Variants in SP3 observed in about 807,000 individuals in gnomAD.
SP3 encodes the protein Sp3 transcription factor, also known as transcription factor Sp3.
In SP3, 10 loss-of-function variants were observed where a neutral mutation model predicts 70.3. The ratio of observed to expected loss-of-function variants is 0.14; its 90% CI spans 0.09 to 0.24. The LOEUF (loss-of-function observed/expected upper bound fraction) is 0.24. Ranked by LOEUF, SP3 falls within the 10% of genes least tolerant of loss-of-function variation. The pLI is 1.00. For missense variants in SP3, 825 were observed against 914.6 expected, an observed-to-expected ratio of 0.90 and a Z score of 1.26; for synonymous variants, 402 against 333.5, an observed-to-expected ratio of 1.21 and a Z score of -2.24.
In SP3 at chr2:173,955,982, T is replaced by G. The variant is rs368003119; in HGVS notation, c.530A>C (p.Gln177Pro). ...SVQYQVIPQIQSADGQQVQIG... is the reference protein window; with the variant it reads ...SVQYQVIPQIPSADGQQVQIG... Reference sequence around the variant, plus strand: ...TTGAACCTGCTGACCATCTGCTGACTGGATCTGTGGTATCACTTGATATTG... The same window carrying G: ...TTGAACCTGCTGACCATCTGCTGACGGGATCTGTGGTATCACTTGATATTG... Residue 177 changes from glutamine to proline, a missense_variant, in exon 4 of 7, where the codon CAG (glutamine) becomes CCG (proline). This residue lies in a region of SP3 where 678 missense variants were observed against 651.6 expected (regional missense o/e 1.04). Transcript: ENST00000310015. The G allele has an allele frequency of 1.2e-6, 2 of 1,614,118 alleles. No homozygotes were observed. Among genetic ancestry groups the G allele is most frequent in the Non-Finnish European group, 1.7e-6 (2 of 1,180,028 alleles).
At chr2:173,916,454 G>C (rs775678245) in intron 5 of SP3, 2 of 151,580 alleles carry the variant, frequency 1.3e-5, no homozygotes, top group Non-Finnish European at 2.9e-5. Context: ...ATGTAAAACT[G>C]GGAAAAAACA....
At position 173,963,611 on chromosome 2, in the gene SP3, G is replaced by A. The variant is rs149009413; in HGVS notation, c.279+150C>T. ...TGGCTTCAGATCCAAACCGGGATGCGAAAGAGCAGGAAAGGGCGCCCTGGA... is the reference window on the plus strand; with the variant it reads ...TGGCTTCAGATCCAAACCGGGATGCAAAAGAGCAGGAAAGGGCGCCCTGGA... On this transcript the variant is annotated intron_variant, in intron 3 of 6. Coordinates refer to ENST00000310015, the MANE Select transcript of SP3 (RefSeq NM_003111.5). 2.3e-3 allele frequency: 381 copies of A among 165,978 alleles called. 2 individuals are homozygous for A. Among genetic ancestry groups the A allele is most frequent in the African/African-American group, 8.4e-3 (353 of 41,776 alleles). The allele number at this position is 165,978 out of a possible 1,614,324, so 10.3% of individuals were successfully genotyped here.
chr2:173,925,067 T>C (rs1689872316), intron 4 of SP3, among the ~76,000 whole-genome samples: 1 of 152,202 alleles, frequency 6.6e-6, no homozygotes, highest in South Asian at 2.1e-4. Flanking sequence ...TCTGTATTTT[T>C]AGTAGAGACC....
intron 4 of SP3, among the ~76,000 whole-genome samples, chr2:173,921,482 A>ACTGG (rs1461958805): frequency 1.3e-5 from 2 of 152,252 alleles, no homozygotes; most frequent in African/African-American, 4.8e-5. Context: ...TGAACCTAGG[A>ACTGG]GTTCAAGACC....
chr2:173,959,046 ATATATTTACTG>A (rs1488062864), intron 3 of SP3, among the ~76,000 whole-genome samples: 1 of 152,208 alleles, frequency 6.6e-6, no homozygotes, highest in Non-Finnish European at 1.5e-5. Context: ...TAAGATCAAT[ATATATTTACTG>A]AATGAAAAGT....
At chr2:173,933,612 T>C (rs1290558111) in intron 4 of SP3, among the ~76,000 whole-genome samples, 1 of 126,046 alleles carries the variant, frequency 7.9e-6, no homozygotes, top group East Asian at 2.3e-4. Flanking sequence ...AGGAAGACAG[T>C]ACAAATGACT....
At position 173,945,929 on chromosome 2, in the gene SP3, C is replaced by T. The variant is rs1034456871; in HGVS notation, c.1639+8944G>A. On this transcript the variant is annotated intron_variant, in intron 4 of 6. Transcript: ENST00000310015. ...TCATTTGAGGTCAGGAGTTCAAGAC[C>T]AGCCTGGCCAACGTGGTGAAATCCC... Among the ~76,000 whole-genome samples, 68 of 152,202 alleles carry T rather than the reference C, an allele frequency of 4.5e-4. 1 individual carries two copies. In the Middle Eastern group the frequency reaches 0.014, roughly 30 times the overall value.
Position 173,922,129 on chromosome 2 carries a change from A to G in SP3, c.1640-3344T>C, listed in dbSNP as rs79787821. ...AGGAATGGCCTGACACAGTCTTAAA[A>G]AGAGATGATAGTGGCCTGAAGCTAA... On this transcript the variant is annotated intron_variant, in intron 4 of 6. Coordinates refer to ENST00000310015, the MANE Select transcript of SP3 (RefSeq NM_003111.5). 1.0e-3 allele frequency among the ~76,000 whole-genome samples: 152 copies of G among 152,288 alleles called. 1 individual carries two copies. The highest frequency in any genetic ancestry group is 3.5e-3 in the African/African-American group (147 of 41,566).
Position 173,905,908 on chromosome 2 carries a change from G to A in SP3, c.*4033C>T, listed in dbSNP as rs1689301200. On this transcript the variant is annotated 3_prime_UTR_variant, in exon 7 of 7. Transcript: ENST00000310015. Reference sequence around the variant, plus strand: ...AAGCTACTTAAGAGGCCGAAGTGGGGAGGATTGCTTGAGACCAGTAAGTGG... The same window carrying A: ...AAGCTACTTAAGAGGCCGAAGTGGGAAGGATTGCTTGAGACCAGTAAGTGG... Among the ~76,000 whole-genome samples, 2 of 152,162 alleles carry A rather than the reference G, an allele frequency of 1.3e-5. No homozygotes were observed. Among genetic ancestry groups the A allele is most frequent in the African/African-American group, 4.8e-5 (2 of 41,448 alleles).
rs114272965 is a variant in SP3 at position 173,922,640 on chromosome 2, G to A, written c.1640-3855C>T. 5.1e-3 allele frequency among the ~76,000 whole-genome samples: 770 copies of A among 152,182 alleles called. 2 individuals are homozygous for A. Among genetic ancestry groups the A allele is most frequent in the Middle Eastern group, 0.01 (3 of 294 alleles). On this transcript the variant is annotated intron_variant, in intron 4 of 6. Transcript: ENST00000310015. ...GGGACTGAGAGTGCCAGTGAGATAT[G>A]AGGAAACTGGTGTCCAGAAACCAAA...
At position 173,954,931 on chromosome 2, in the gene SP3, G is replaced by A. The variant is rs1690829814; in HGVS notation, c.1581C>T (p.Asn527=). The A allele has an allele frequency of 6.2e-7, 1 of 1,614,030 alleles. No homozygotes were observed. Among genetic ancestry groups the A allele is most frequent in the South Asian group, 1.1e-5 (1 of 91,088 alleles). ...GCTGTATACCAGCAGAATCTATAGAGTTCACTGTAACTGTTTGTAGATTTG... is the reference window on the plus strand; with the variant it reads ...GCTGTATACCAGCAGAATCTATAGAATTCACTGTAACTGTTTGTAGATTTG... ...QLPNLQTVTV[N]SIDSAGIQLH... The change falls in exon 4 of 7, where the codon AAC becomes AAT. Residue 527 remains asparagine (N), a synonymous_variant. Coordinates refer to ENST00000310015, the MANE Select transcript of SP3 (RefSeq NM_003111.5).
In SP3 at chr2:173,902,682, T is replaced by C. The variant is rs1689211974; in HGVS notation, c.*7259A>G. ...GTAGTGTGGATACATCTCAAAAACA[T>C]GAGTGGTAAAACAAGTCCCAGAAGG... On this transcript the variant is annotated 3_prime_UTR_variant, in exon 7 of 7. Coordinates refer to ENST00000310015, the MANE Select transcript of SP3 (RefSeq NM_003111.5). Among the ~76,000 whole-genome samples the C allele has an allele frequency of 6.6e-6, 1 of 152,212 alleles. No individual in the cohort carries two copies. Among genetic ancestry groups the C allele is most frequent in the South Asian group, 2.1e-4 (1 of 4,834 alleles).
At chr2:173,919,573 A>C (rs1222186032) in intron 4 of SP3, among the ~76,000 whole-genome samples, 1 of 152,202 alleles carries the variant, frequency 6.6e-6, no homozygotes, top group Non-Finnish European at 1.5e-5. Context: ...AAAAGTAATA[A>C]TCCATCAAAA....
At chr2:173,933,656 A>ATATATATATATATG (rs1690132491) in intron 4 of SP3, among the ~76,000 whole-genome samples, 1 of 142,314 alleles carries the variant, frequency 7.0e-6, no homozygotes, top group Non-Finnish European at 1.5e-5. Flanking sequence ...ATATATATAT[A>ATATATATATATATG]TATATATATA....
At chr2:173,910,905 C>T (rs973533875) in intron 6 of SP3, among the ~76,000 whole-genome samples, 12 of 152,140 alleles carry the variant, frequency 7.9e-5, no homozygotes, top group Non-Finnish European at 1.6e-4. Flanking sequence ...AGTTTAAATA[C>T]AAAAGACAGA....
At chr2:173,913,340 T>C in intron 5 of SP3, 74 bp from the exon 6 acceptor site, 3 of 1,090,564 alleles carry the variant, frequency 2.8e-6, no homozygotes, top group Non-Finnish European at 2.4e-6. Context: ...ACATCATATA[T>C]CCCCATGTTG....
rs1249079272 is a variant in SP3, at chr2:173,908,210, A to G, written c.*1731T>C. ...GTAAATTCAGGTTTTCGATAAATCAAAATATTCTGCATTGCTTTAAAACGG... is the reference window on the plus strand; with the variant it reads ...GTAAATTCAGGTTTTCGATAAATCAGAATATTCTGCATTGCTTTAAAACGG... On this transcript the variant is annotated 3_prime_UTR_variant, in exon 7 of 7. Coordinates refer to ENST00000310015, the MANE Select transcript of SP3 (RefSeq NM_003111.5). 6.6e-6 allele frequency: 1 copy of G among 152,134 alleles called. No homozygotes were observed. The highest frequency in any genetic ancestry group is 1.5e-5 in the Non-Finnish European group (1 of 67,966). 9.4% of individuals were successfully genotyped at this position (152,134 alleles called of 1,614,324 possible). A position where few individuals can be genotyped will look rare whatever the true frequency, so the allele number is the denominator to read the frequency against.
At chr2:173,947,673 T>G (rs1248683823) in intron 4 of SP3, among the ~76,000 whole-genome samples, 1 of 152,264 alleles carries the variant, frequency 6.6e-6, no homozygotes, top group African/African-American at 2.4e-5. Flanking sequence ...TGTTTTGTTT[T>G]CTTTAATCTG....
chr2:173,913,746 CT>C (rs2105455246), intron 5 of SP3: 1 of 152,258 alleles, frequency 6.6e-6, no homozygotes, highest in Non-Finnish European at 1.5e-5. Context: ...CTTTAGCAGA[CT>C]TTAATATGAT....
Sources: gnomAD v4.1 joint callset for allele counts (sites outside exome capture counted in the v4.1 genomes callset) on GRCh38, gnomAD v4.1.1 for gene constraint, gnomAD v4.1.1 regional missense constraint, MANE v1.5 for transcripts, NCBI Gene and HGNC (gene_info 2026-07-23, HGNC 2026-07-21) for gene names.